KCNH7: variants seen among roughly 807,000 people sequenced by gnomAD.
The protein encoded by KCNH7 is voltage-gated inwardly rectifying potassium channel KCNH7.
In KCNH7, 49 loss-of-function variants were observed where a neutral mutation model predicts 120.8. That is an observed-to-expected ratio of 0.41 (90% CI 0.32 to 0.51). The LOEUF is 0.51. Among genes scored for constraint, KCNH7 ranks in the 20% least tolerant of loss-of-function variants. KCNH7 has a pLI of 0.38. For synonymous variants in KCNH7, 547 were observed against 516.1 expected, an observed-to-expected ratio of 1.06 and a Z score of -0.81; for missense variants, 1,097 against 1,446.6, an observed-to-expected ratio of 0.76 and a Z score of 3.92.
chr2:162,380,530 A>G (rs1686379703), intron 13 of KCNH7, among the ~76,000 whole-genome samples: 1 of 152,064 alleles, frequency 6.6e-6, no homozygotes, highest in Non-Finnish European at 1.5e-5. Flanking sequence ...ACCCAATTCA[A>G]ATAGAGCCAA....
chr2:162,410,203 A>G (rs539226177), intron 9 of KCNH7, among the ~76,000 whole-genome samples: 18 of 152,236 alleles, frequency 1.2e-4, no homozygotes, highest in Non-Finnish European at 2.4e-4. Flanking sequence ...CAGTAACCAA[A>G]ACAATGTGGA....
chr2:162,476,321 G>A (rs914400108), intron 6 of KCNH7, among the ~76,000 whole-genome samples: 1 of 152,118 alleles, frequency 6.6e-6, no homozygotes, highest in Non-Finnish European at 1.5e-5. Context: ...ACCAGAGGCT[G>A]TATCAAAATA....
chr2:162,481,264 CA>C (rs201612271), intron 6 of KCNH7, among the ~76,000 whole-genome samples: 2,240 of 151,864 alleles, frequency 0.015, 66 homozygotes, highest in African/African-American at 0.05. Context: ...ATCTGGAGAA[CA>C]AAAAAAATTA....
intron 7 of KCNH7, among the ~76,000 whole-genome samples, chr2:162,437,546 A>T (rs1688281701): frequency 6.6e-6 from 1 of 152,160 alleles, no homozygotes; most frequent in South Asian, 2.1e-4. Context: ...TTTGGAACAG[A>T]CAAACTTATG....
intron 2 of KCNH7, among the ~76,000 whole-genome samples, chr2:162,758,534 T>C (rs1688864912): frequency 6.6e-6 from 1 of 152,114 alleles, no homozygotes; most frequent in African/African-American, 2.4e-5. Flanking sequence ...AACGTATATA[T>C]ATGTATATAT....
intron 2 of KCNH7, among the ~76,000 whole-genome samples, chr2:162,607,530 T>A (rs1034875884): frequency 5.3e-5 from 8 of 152,182 alleles, no homozygotes; most frequent in Non-Finnish European, 7.3e-5. Context: ...AAAATAGGGT[T>A]TTTGAAAATT....
chr2:162,820,848 ACAT>A (rs1314247282), intron 2 of KCNH7, among the ~76,000 whole-genome samples: 2 of 152,176 alleles, frequency 1.3e-5, no homozygotes, highest in Non-Finnish European at 2.9e-5. Context: ...AAATTTGAAG[ACAT>A]CATTTTCTAC....
intron 2 of KCNH7, among the ~76,000 whole-genome samples, chr2:162,665,692 C>A (rs990079957): frequency 6.6e-6 from 1 of 152,126 alleles, no homozygotes; most frequent in African/African-American, 2.4e-5. Context: ...CTAAGAAAAT[C>A]TTGATCACTC....
intron 14 of KCNH7, among the ~76,000 whole-genome samples, chr2:162,374,513 G>GA (rs1441697462): frequency 6.6e-6 from 1 of 152,208 alleles, no homozygotes; most frequent in East Asian, 1.9e-4. Context: ...TGCCTCTTTA[G>GA]AAAATTCTTC....
rs2105444591 is a variant in KCNH7 at position 162,400,382 on chromosome 2, T to C, written c.2214A>G (p.Thr738=). The part of the protein sequence containing the change: ...QADICLHLNQ[T]LLQNCKAFRG... The stretch of plus-strand genomic sequence containing the variant: ...GAAAGGCTTTGCAGTTTTGCAGCAA[T>C]GTCTGGTTGAGATGTAGACAAATGT... The change falls in exon 10 of 16, where the codon ACA becomes ACG. Residue 738 remains threonine, a synonymous_variant. Transcript: ENST00000332142. 1 of 1,612,374 alleles carries C rather than the reference T, an allele frequency of 6.2e-7. No homozygotes were observed. Among genetic ancestry groups the C allele is most frequent in the Non-Finnish European group, 8.5e-7 (1 of 1,178,904 alleles).
chr2:162,707,190 A>C (rs1686740232), intron 2 of KCNH7, among the ~76,000 whole-genome samples: 1 of 152,160 alleles, frequency 6.6e-6, no homozygotes, highest in Non-Finnish European at 1.5e-5. Context: ...TAGTTTTTTA[A>C]AAAAATCTTA....
chr2:162,400,577 C>T, intron 9 of KCNH7, 136 bp from the exon 10 acceptor site: 3 of 802,530 alleles, frequency 3.7e-6, no homozygotes, highest in South Asian at 3.4e-5. Context: ...TCTACCTCGC[C>T]TACCTTAATG....
chr2:162,549,058 G>A (rs889791934), intron 2 of KCNH7, among the ~76,000 whole-genome samples: 9 of 152,036 alleles, frequency 5.9e-5, no homozygotes, highest in African/African-American at 2.2e-4. Context: ...CCTTATTTAT[G>A]GTCCTATTAT....
intron 14 of KCNH7, among the ~76,000 whole-genome samples, chr2:162,379,211 C>T (rs1380875705): frequency 1.3e-5 from 2 of 152,162 alleles, no homozygotes; most frequent in Admixed American, 6.6e-5. Context: ...CCAAGTGAAA[C>T]ACAACTAAAG....
intron 8 of KCNH7, among the ~76,000 whole-genome samples, chr2:162,424,171 A>G (rs912252060): frequency 6.6e-6 from 1 of 152,216 alleles, no homozygotes; most frequent in East Asian, 1.9e-4. Context: ...CATAAGAAAC[A>G]TATCTCTGGC....
intron 2 of KCNH7, among the ~76,000 whole-genome samples, chr2:162,719,028 G>A (rs1387389222): frequency 6.6e-6 from 1 of 152,004 alleles, no homozygotes. Context: ...CTTTCTGAAA[G>A]AAGGGAAGTT....
At chr2:162,563,853 T>C (rs1265473616) in intron 2 of KCNH7, among the ~76,000 whole-genome samples, 1 of 152,176 alleles carries the variant, frequency 6.6e-6, no homozygotes, top group Non-Finnish European at 1.5e-5. Flanking sequence ...CTCTTTCTTC[T>C]TAGCATTTCC....
intron 11 of KCNH7, 128 bp downstream of exon 11, chr2:162,396,612 C>T: frequency 4.5e-6 from 3 of 669,052 alleles, no homozygotes; most frequent in African/African-American, 1.8e-5. Context: ...TTGGCCTTTC[C>T]TTCCAAATAT....
chr2:162,483,113 T>C (rs1218601032), intron 6 of KCNH7, among the ~76,000 whole-genome samples: 5 of 152,198 alleles, frequency 3.3e-5, no homozygotes, highest in Admixed American at 1.3e-4. Context: ...AGTATATTCC[T>C]GATTTTAACG....
Sources: gnomAD v4.1 joint callset for allele counts (sites outside exome capture counted in the v4.1 genomes callset) on GRCh38, gnomAD v4.1.1 for gene constraint, MANE v1.5 for transcripts, NCBI Gene and HGNC (gene_info 2026-07-23, HGNC 2026-07-21) for gene names.